CDK2AP1: variants seen among roughly 807,000 people sequenced by gnomAD.
The protein encoded by CDK2AP1 is cyclin-dependent kinase 2-associated protein 1.
CDK2AP1 carries 10 observed loss-of-function variants against 14.1 expected under a neutral mutation model. That is an observed-to-expected ratio of 0.71 (90% CI 0.44 to 1.20). The LOEUF is 1.20. CDK2AP1 is among the 50% of genes most tolerant of loss of function. The pLI is 0.00. For missense variants in CDK2AP1, 102 were observed against 149.9 expected, an observed-to-expected ratio of 0.68 and a Z score of 1.67; for synonymous variants, 59 against 59.8, an observed-to-expected ratio of 0.99 and a Z score of 0.06.
intron 1 of CDK2AP1, chr12:123,270,926 G>C (rs2048347961): frequency 1.0e-6 from 1 of 985,148 alleles, no homozygotes; most frequent in African/African-American, 1.7e-5. Flanking sequence ...GGTAGCCCCT[G>C]CTCCCACGCT....
intron 1 of CDK2AP1, chr12:123,268,350 G>A: frequency 2.1e-6 from 1 of 471,900 alleles, no homozygotes; most frequent in South Asian, 8.8e-5. Context: ...GGAAGTTCAG[G>A]GCCTCAAGCT....
Position 123,265,226 on chromosome 12 carries a change from T to C in CDK2AP1, c.250A>G (p.Ser84Gly). The change falls in exon 3 of 4, where the codon AGC becomes GGC. Residue 84 changes from serine to glycine, a missense_variant. By Grantham distance (56) the Ser-to-Gly change is moderately conservative. Coordinates refer to ENST00000261692, the MANE Select transcript of CDK2AP1 (RefSeq NM_004642.4). The surrounding 1 kb of genome is among the most constrained non-coding windows in gnomAD (Gnocchi z 5.3). ...GKEIRPTYAG[S>G]KSAMERLKRG... ...TTCAGCCTCTCCATGGCACTCTTGCTCCCTGCGTACGTGGGTCTGATCTCC... is the reference window on the plus strand; with the variant it reads ...TTCAGCCTCTCCATGGCACTCTTGCCCCCTGCGTACGTGGGTCTGATCTCC... 6.2e-7 allele frequency: 1 copy of C among 1,614,168 alleles called. No homozygotes were observed. The highest frequency in any genetic ancestry group is 8.5e-7 in the Non-Finnish European group (1 of 1,180,024).
intron 1 of CDK2AP1, among the ~76,000 whole-genome samples, chr12:123,268,519 T>C (rs1324337511): frequency 6.6e-6 from 1 of 152,226 alleles, no homozygotes; most frequent in African/African-American, 2.4e-5. Flanking sequence ...ACGGGGACCG[T>C]TCCGAGCTGT....
In CDK2AP1 at chr12:123,267,386, C is replaced by T. The variant is rs992455637; in HGVS notation, c.56-104G>A. On this transcript the variant is annotated intron_variant, in intron 1 of 3. Transcript: ENST00000261692. ...CCTTGCCCAGGACCCACACCACCAA[C>T]TGTAGCAGGATGGAGAACCCTGCTC... 49 of 729,164 alleles carry T rather than the reference C, an allele frequency of 6.7e-5. No individual in the cohort carries two copies. In the Admixed American group the frequency reaches 9.2e-4, roughly 14 times the overall value. 45.2% of individuals were successfully genotyped at this position (729,164 alleles called of 1,614,324 possible).
chr12:123,262,039 T>C (rs1176730715), intron 3 of CDK2AP1: 4 of 428,408 alleles, frequency 9.3e-6, no homozygotes, highest in Admixed American at 4.0e-5. Context: ...CATTTTTTCC[T>C]GCATTCAAGG....
In CDK2AP1 at chr12:123,271,593, GCGGCCAAGTT is replaced by G; in HGVS notation, c.16_25del (p.Asn6ArgfsTer39). On this transcript the variant is annotated frameshift_variant, in exon 1 of 4. Transcript: ENST00000261692. LOFTEE classifies it high-confidence loss of function. The stretch of plus-strand genomic sequence containing the variant: ...GTTGAGGGCGGCGGCGGGCATGTGC[GCGGCCAAGTT>G]CGGTTTGTAAGACATCCCCCCGGGC... The G allele has an allele frequency of 9.9e-7, 1 of 1,009,268 alleles. No homozygotes were observed. Among genetic ancestry groups the G allele is most frequent in the Non-Finnish European group, 1.2e-6 (1 of 845,952 alleles). 62.5% of individuals were successfully genotyped at this position (1,009,268 alleles called of 1,614,324 possible). A position where few individuals can be genotyped will look rare whatever the true frequency, so the allele number is the denominator to read the frequency against.
rs2048263056 is a variant in CDK2AP1, at chr12:123,264,180, C to T, written c.280+1016G>A. 3.3e-5 allele frequency among the ~76,000 whole-genome samples: 5 copies of T among 151,394 alleles called. No homozygotes were observed. In the South Asian group the frequency reaches 8.4e-4, roughly 25 times the overall value. On this transcript the variant is annotated intron_variant, in intron 3 of 3. Coordinates refer to ENST00000261692, the MANE Select transcript of CDK2AP1 (RefSeq NM_004642.4). Reference sequence around the variant, plus strand: ...TTTTTAAGAACCCCAAGTCCCAGGCCGGGCGTGGTGGCTCACGCCTGTAAT... The same window carrying T: ...TTTTTAAGAACCCCAAGTCCCAGGCTGGGCGTGGTGGCTCACGCCTGTAAT...
At position 123,267,288 on chromosome 12, in the gene CDK2AP1, G is replaced by C. The variant is rs1775149874; in HGVS notation, c.56-6C>G. 1.3e-6 allele frequency: 2 copies of C among 1,592,882 alleles called. No homozygotes were observed. The highest frequency in any genetic ancestry group is 2.7e-5 in the African/African-American group (2 of 74,492). ...AGGCGAGTGGACACTCCCAGCTGTGGGGTGGGGAGAGAGAGGCCAGGAGTC... is the reference window on the plus strand; with the variant it reads ...AGGCGAGTGGACACTCCCAGCTGTGCGGTGGGGAGAGAGAGGCCAGGAGTC... On this transcript the variant is annotated splice_region_variant and splice_polypyrimidine_tract_variant and intron_variant, in intron 1 of 3. Coordinates refer to ENST00000261692, the MANE Select transcript of CDK2AP1 (RefSeq NM_004642.4).
chr12:123,271,866 CGGCGGGGCGGCCGGGGCCGGGAGGG>C (rs1312324608), upstream of CDK2AP1: 25 of 146,158 alleles, frequency 1.7e-4, no homozygotes, highest in Admixed American at 1.7e-3. Flanking sequence ...TCCGCGGAGC[CGGCGGGGCGGCCGGGGCCGGGAGGG>C]GGCGGCCCGG....
At chr12:123,263,050 C>A (rs548358084) in intron 3 of CDK2AP1, among the ~76,000 whole-genome samples, 8 of 151,906 alleles carry the variant, frequency 5.3e-5, no homozygotes, top group African/African-American at 1.7e-4. Flanking sequence ...CCCATCTCTA[C>A]TAAAAATACA....
chr12:123,269,636 C>T (rs961433137), intron 1 of CDK2AP1, among the ~76,000 whole-genome samples: 1 of 152,104 alleles, frequency 6.6e-6, no homozygotes, highest in African/African-American at 2.4e-5. Flanking sequence ...AGCGCGGGGC[C>T]TGGGGAGCTG....
chr12:123,263,640 C>T (rs1338821907), intron 3 of CDK2AP1, among the ~76,000 whole-genome samples: 1 of 152,168 alleles, frequency 6.6e-6, no homozygotes, highest in Non-Finnish European at 1.5e-5. Flanking sequence ...ATCCTCTAAC[C>T]CTGGTAGTCC....
At position 123,265,493 on chromosome 12, in the gene CDK2AP1, A is replaced by G. The variant is rs1419042614; in HGVS notation, c.154-171T>C. ...ACTCCAGCCTGGGCAACAGAGCGAG[A>G]CTCCATCTCGGGGGAAAAAAAAAAA... On this transcript the variant is annotated intron_variant, in intron 2 of 3. Coordinates refer to ENST00000261692, the MANE Select transcript of CDK2AP1 (RefSeq NM_004642.4). This position sits in a 1 kb window ranked among gnomAD's most constrained non-coding sequence, Gnocchi z 5.3. Among the ~76,000 whole-genome samples, 20 of 132,254 alleles carry G rather than the reference A, an allele frequency of 1.5e-4. No homozygotes were observed. Among genetic ancestry groups the G allele is most frequent in the South Asian group, 7.8e-4 (3 of 3,832 alleles). The allele number at this position is 132,254 out of a possible 152,430, so 86.8% of individuals were successfully genotyped here. A position where few individuals can be genotyped will look rare whatever the true frequency, so the allele number is the denominator to read the frequency against.
chr12:123,265,752 C>T lies in CDK2AP1; in HGVS notation c.154-430G>A, dbSNP rs1278700649. Among the ~76,000 whole-genome samples, 1 of 152,168 alleles carries T rather than the reference C, an allele frequency of 6.6e-6. No homozygotes were observed. The highest frequency in any genetic ancestry group is 1.5e-5 in the Non-Finnish European group (1 of 68,032). ...CGTCTCCAGGAAGCAACTTTATTATCTCCAATGAACAAAACAGGGGAAACA... is the reference window on the plus strand; with the variant it reads ...CGTCTCCAGGAAGCAACTTTATTATTTCCAATGAACAAAACAGGGGAAACA... On this transcript the variant is annotated intron_variant, in intron 2 of 3. Transcript: ENST00000261692. The surrounding 1 kb of genome is among the most constrained non-coding windows in gnomAD (Gnocchi z 5.3).
intron 3 of CDK2AP1, chr12:123,262,151 T>A: frequency 4.7e-6 from 1 of 214,338 alleles, no homozygotes. Flanking sequence ...TCTGGCTTCT[T>A]CAGTCTGAAT....
chr12:123,265,576 G>A lies in CDK2AP1; in HGVS notation c.154-254C>T, dbSNP rs2048282304. On this transcript the variant is annotated intron_variant, in intron 2 of 3. Coordinates refer to ENST00000261692, the MANE Select transcript of CDK2AP1 (RefSeq NM_004642.4). The surrounding 1 kb of genome is among the most constrained non-coding windows in gnomAD (Gnocchi z 5.3). ...GGCAGGTGGGTGGAGAGGGCCCCGG[G>A]CCGGTCAGGATAGGGAACGCAGCCC... 2.0e-5 allele frequency among the ~76,000 whole-genome samples: 3 copies of A among 151,788 alleles called. No individual in the cohort carries two copies. The highest frequency in any genetic ancestry group is 7.3e-5 in the African/African-American group (3 of 41,370).
In CDK2AP1 at chr12:123,262,455, C is replaced by T. The variant is rs377041187; in HGVS notation, c.281-652G>A. On this transcript the variant is annotated intron_variant, in intron 3 of 3. Coordinates refer to ENST00000261692, the MANE Select transcript of CDK2AP1 (RefSeq NM_004642.4). The stretch of plus-strand genomic sequence containing the variant: ...GACTCCCAGAGGCCACTGGGAATGA[C>T]ATCCCACATCATCACCTCACAAATC... 3.9e-5 allele frequency: 6 copies of T among 152,366 alleles called. No individual in the cohort carries two copies. In the South Asian group the frequency reaches 6.2e-4, roughly 16 times the overall value. The allele number at this position is 152,366 out of a possible 1,614,324, so 9.4% of individuals were successfully genotyped here.
chr12:123,261,818 G>A lies in CDK2AP1; in HGVS notation c.281-15C>T. The A allele has an allele frequency of 6.3e-7, 1 of 1,594,446 alleles. No homozygotes were observed. Among genetic ancestry groups the A allele is most frequent in the Non-Finnish European group, 8.6e-7 (1 of 1,161,854 alleles). On this transcript the variant is annotated splice_polypyrimidine_tract_variant and intron_variant, in intron 3 of 3. Transcript: ENST00000261692. Reference sequence around the variant, plus strand: ...GTGAATGATGCCTGAAACAGAGGCAGAGACCTGAGGTCAGCAAGTGCACAG... The same window carrying A: ...GTGAATGATGCCTGAAACAGAGGCAAAGACCTGAGGTCAGCAAGTGCACAG...
intron 1 of CDK2AP1, chr12:123,268,067 C>A: frequency 1.9e-6 from 1 of 533,778 alleles, no homozygotes; most frequent in Non-Finnish European, 2.4e-6. Context: ...CAGGGGAGTC[C>A]GTGGCTAGGA....
Sources: allele counts gnomAD v4.1 joint callset (sites outside exome capture counted in the v4.1 genomes callset), GRCh38; gene constraint gnomAD v4.1.1; non-coding constraint Gnocchi (gnomAD v3.1); transcripts MANE v1.5; gene names NCBI Gene and HGNC (gene_info 2026-07-23, HGNC 2026-07-21).